RPTOR: variants seen among roughly 807,000 people sequenced by gnomAD.
RPTOR encodes regulatory associated protein of MTOR complex 1, also known as regulatory-associated protein of mTOR.
RPTOR carries 21 observed loss-of-function variants against 169.9 expected under a neutral mutation model. The observed-to-expected ratio is 0.12, with a 90% CI of 0.09 to 0.18. RPTOR has a LOEUF of 0.18. RPTOR is among the 10% of genes least tolerant of loss of function. The pLI is 1.00. For synonymous variants in RPTOR, 732 were observed against 753.2 expected (o/e 0.97, Z 0.46); for missense variants, 1,133 against 1,855.9 (o/e 0.61, Z 7.16).
chr17:80,546,264 C>T (rs1420257303), intron 1 of RPTOR, among the ~76,000 whole-genome samples: 3 of 152,166 alleles, frequency 2.0e-5, no homozygotes, highest in Non-Finnish European at 2.9e-5. Flanking sequence ...CAAATTAGTG[C>T]AAAGTTATTA....
At chr17:80,801,859 A>G (rs888696082) in intron 7 of RPTOR, 1 of 152,170 alleles carries the variant, frequency 6.6e-6, no homozygotes, top group African/African-American at 2.4e-5. Context: ...CACCTAGCAG[A>G]TCACCCCTGC....
chr17:80,741,157 C>T (rs902788890), intron 5 of RPTOR, among the ~76,000 whole-genome samples: 2 of 152,184 alleles, frequency 1.3e-5, no homozygotes, highest in Non-Finnish European at 2.9e-5. Context: ...AGGGTCTCCC[C>T]GTGACCCAGC....
In RPTOR at chr17:80,585,959, G is replaced by A. The variant is rs574360783; in HGVS notation, c.163-39732G>A. Among the ~76,000 whole-genome samples, 18 of 151,568 alleles carry A rather than the reference G, an allele frequency of 1.2e-4. No homozygotes were observed. The East Asian group carries it at 2.1e-3, about 18-fold the overall frequency. On this transcript the variant is annotated intron_variant, in intron 1 of 33. Coordinates refer to ENST00000306801, the MANE Select transcript of RPTOR (RefSeq NM_020761.3). Reference sequence around the variant, plus strand: ...TCTGTTCAGAATTCCTCAATACAACGCATTAAATATTGTTCCGAGGTCTTC... The same window carrying A: ...TCTGTTCAGAATTCCTCAATACAACACATTAAATATTGTTCCGAGGTCTTC...
chr17:80,750,090 G>A (rs2066616712), intron 5 of RPTOR, among the ~76,000 whole-genome samples: 2 of 151,924 alleles, frequency 1.3e-5, no homozygotes, highest in South Asian at 4.2e-4. Context: ...GGGTTCAAGT[G>A]ATCCTCCCAC....
chr17:80,806,190 T>C (rs1720676438), intron 7 of RPTOR, among the ~76,000 whole-genome samples: 1 of 152,212 alleles, frequency 6.6e-6, no homozygotes, highest in Non-Finnish European at 1.5e-5. Flanking sequence ...TCGGGTGCCA[T>C]GTTCACTCCA....
At chr17:80,564,338 A>G (rs2084547097) in intron 1 of RPTOR, among the ~76,000 whole-genome samples, 2 of 152,048 alleles carry the variant, frequency 1.3e-5, no homozygotes, top group Admixed American at 1.3e-4. Context: ...CTGGGACCAC[A>G]GCTCGCATGT....
rs1261572334 is a variant in RPTOR at position 80,634,656 on chromosome 17, G to A, written c.265+8863G>A. 8.2e-3 allele frequency among the ~76,000 whole-genome samples: 857 copies of A among 104,402 alleles called. 99 individuals are homozygous for A. Among genetic ancestry groups the A allele is most frequent in the Non-Finnish European group, 0.013 (632 of 49,852 alleles). The allele number at this position is 104,402 out of a possible 152,430, so 68.5% of individuals were successfully genotyped here. On this transcript the variant is annotated intron_variant, in intron 2 of 33. Transcript: ENST00000306801. ...CTGTGTGTGTGCATACTGTATGTGC[G>A]TACTGTGTGTGTGCGTACTGTGTGT...
rs570252904 is a variant in RPTOR, at chr17:80,618,982, C to G, written c.163-6709C>G. Among the ~76,000 whole-genome samples the G allele has an allele frequency of 1.6e-4, 24 of 152,306 alleles. No homozygotes were observed. In the South Asian group the frequency reaches 4.8e-3, roughly 30 times the overall value. On this transcript the variant is annotated intron_variant, in intron 1 of 33. Transcript: ENST00000306801. Reference sequence around the variant, plus strand: ...TGGACAACTTGGTTACCCGCCTCCCCTTCCCTGCGAGGTATATCTACTCTC... The same window carrying G: ...TGGACAACTTGGTTACCCGCCTCCCGTTCCCTGCGAGGTATATCTACTCTC...
At chr17:80,870,329 A>G (rs1402003667) in intron 13 of RPTOR, among the ~76,000 whole-genome samples, 1 of 152,322 alleles carries the variant, frequency 6.6e-6, no homozygotes, top group East Asian at 1.9e-4. Context: ...CGCACTATGA[A>G]GAAAAGGCAG....
intron 6 of RPTOR, among the ~76,000 whole-genome samples, chr17:80,771,106 G>A (rs898342089): frequency 6.6e-6 from 1 of 152,204 alleles, no homozygotes; most frequent in African/African-American, 2.4e-5. Flanking sequence ...TGAAGCAAGG[G>A]ACACCCCCTT....
chr17:80,665,938 C>T (rs1282116304), intron 3 of RPTOR, among the ~76,000 whole-genome samples: 1 of 152,122 alleles, frequency 6.6e-6, no homozygotes, highest in Non-Finnish European at 1.5e-5. Context: ...GTCTCGTAAC[C>T]CTGGAGGCCA....
At chr17:80,781,424 C>A (rs1412271705) in intron 6 of RPTOR, among the ~76,000 whole-genome samples, 2 of 152,154 alleles carry the variant, frequency 1.3e-5, no homozygotes, top group Non-Finnish European at 2.9e-5. Flanking sequence ...CGGAGGGTAC[C>A]AACGAGCTAG....
intron 7 of RPTOR, among the ~76,000 whole-genome samples, chr17:80,810,363 T>C (rs1161169510): frequency 6.6e-6 from 1 of 152,174 alleles, no homozygotes; most frequent in Non-Finnish European, 1.5e-5. Context: ...ATTTTCCATA[T>C]AGATACCAAA....
intron 1 of RPTOR, among the ~76,000 whole-genome samples, chr17:80,563,951 C>A (rs1181561041): frequency 6.6e-6 from 1 of 152,228 alleles, no homozygotes; most frequent in Admixed American, 6.5e-5. Context: ...GCTCTAGTAG[C>A]CATGCTCATT....
intron 21 of RPTOR, among the ~76,000 whole-genome samples, chr17:80,910,191 A>G (rs910916094): frequency 1.3e-5 from 2 of 152,130 alleles, no homozygotes; most frequent in African/African-American, 2.4e-5. Context: ...GTTCCCTGAA[A>G]GTGCTGGGCT....
chr17:80,913,546 G>C (rs905845997), intron 21 of RPTOR, among the ~76,000 whole-genome samples: 3 of 152,044 alleles, frequency 2.0e-5, no homozygotes, highest in Admixed American at 6.6e-5. Flanking sequence ...TCGACCTCCT[G>C]GGCTCAAGCG....
intron 24 of RPTOR, chr17:80,940,281 T>A: frequency 2.0e-6 from 1 of 505,388 alleles, no homozygotes. Context: ...TACACAGCGT[T>A]GACACTGTGT....
At chr17:80,833,133 C>T (rs568799295) in intron 9 of RPTOR, among the ~76,000 whole-genome samples, 2 of 152,294 alleles carry the variant, frequency 1.3e-5, no homozygotes, top group South Asian at 2.1e-4. Flanking sequence ...GACTGATCAG[C>T]GCAGATGGAG....
chr17:80,797,987 C>T (rs1312930230), intron 7 of RPTOR, among the ~76,000 whole-genome samples: 1 of 152,224 alleles, frequency 6.6e-6, no homozygotes, highest in Non-Finnish European at 1.5e-5. Context: ...AATGCGGCCC[C>T]TGTGTTCCAG....
Sources: gnomAD v4.1 joint callset for allele counts (sites outside exome capture counted in the v4.1 genomes callset) on GRCh38, gnomAD v4.1.1 for gene constraint, MANE v1.5 for transcripts, NCBI Gene and HGNC (gene_info 2026-07-23, HGNC 2026-07-21) for gene names.